Variants in LIMS1 observed in about 807,000 individuals in gnomAD.
LIMS1 encodes LIM and senescent cell antigen-like-containing domain protein 1.
LIMS1 carries 18 observed loss-of-function variants against 44.1 expected under a neutral mutation model. The observed-to-expected ratio is 0.41, with a 90% CI of 0.28 to 0.61. The LOEUF (loss-of-function observed/expected upper bound fraction) is 0.61, where lower values mean the gene tolerates loss of function less well. Among genes scored for constraint, LIMS1 ranks in the 20% least tolerant of loss-of-function variants. The probability of loss-of-function intolerance (pLI) is 0.32; values close to 1 mark genes in which losing one functional copy is unlikely to be tolerated. For synonymous variants in LIMS1, 93 were observed against 149.1 expected, an observed-to-expected ratio of 0.62 and a Z score of 2.74; for missense variants, 201 against 422.0, an observed-to-expected ratio of 0.48 and a Z score of 4.59.
At chr2:108,643,494 A>G (rs937678419) in intron 1 of LIMS1, among the ~76,000 whole-genome samples, 1 of 152,152 alleles carries the variant, frequency 6.6e-6, no homozygotes, top group African/African-American at 2.4e-5. Flanking sequence ...CGCAACCCAC[A>G]GACCAGGAGA....
intron 1 of LIMS1, among the ~76,000 whole-genome samples, chr2:108,549,668 C>T (rs1447760818): frequency 1.3e-5 from 2 of 152,058 alleles, no homozygotes; most frequent in Non-Finnish European, 2.9e-5. Context: ...CCTCAACTTT[C>T]CATATTAATA....
chr2:108,642,346 T>TG (rs1382101063), intron 1 of LIMS1, among the ~76,000 whole-genome samples: 9 of 63,836 alleles, frequency 1.4e-4, no homozygotes, highest in African/African-American at 5.7e-4. Flanking sequence ...TTTTTTGTTT[T>TG]TTTTTTTTTT....
chr2:108,649,049 C>G (rs368136600), intron 1 of LIMS1, among the ~76,000 whole-genome samples: 1 of 152,108 alleles, frequency 6.6e-6, no homozygotes, highest in Non-Finnish European at 1.5e-5. Context: ...AACAGACAAC[C>G]TACAGAATGG....
chr2:108,670,120 C>T (rs1262531078), intron 2 of LIMS1, among the ~76,000 whole-genome samples: 2 of 152,014 alleles, frequency 1.3e-5, no homozygotes, highest in Non-Finnish European at 1.5e-5. Context: ...AAAATGAAAA[C>T]AGTTCAAGAA....
intron 1 of LIMS1, among the ~76,000 whole-genome samples, chr2:108,643,695 G>C (rs1253518845): frequency 6.6e-6 from 1 of 151,544 alleles, no homozygotes; most frequent in African/African-American, 2.4e-5. Context: ...AAGGAGGGCT[G>C]AAGCCAGGGA....
chr2:108,673,828 C>CA (rs1692310302), intron 5 of LIMS1: 1 of 151,174 alleles, frequency 6.6e-6, no homozygotes, highest in African/African-American at 2.4e-5. Flanking sequence ...GATCTAAAAA[C>CA]AAAAAAAGGT....
chr2:108,601,632 A>G (rs1297048816), intron 1 of LIMS1, among the ~76,000 whole-genome samples: 2 of 152,172 alleles, frequency 1.3e-5, no homozygotes, highest in Non-Finnish European at 2.9e-5. Context: ...TCCATGTTCA[A>G]TTGAGTTCAA....
At chr2:108,668,507 A>G (rs1691945935) in intron 2 of LIMS1, among the ~76,000 whole-genome samples, 1 of 152,112 alleles carries the variant, frequency 6.6e-6, no homozygotes. Flanking sequence ...GTAATGTCCT[A>G]CAGGTTCATC....
intron 1 of LIMS1, among the ~76,000 whole-genome samples, chr2:108,629,691 G>A (rs1371626767): frequency 1.3e-5 from 2 of 152,202 alleles, no homozygotes; most frequent in Non-Finnish European, 2.9e-5. Flanking sequence ...GAAAGGCTTG[G>A]TCCATTCAGA....
exon 5 of LIMS1, chr2:108,672,993 C>T (rs780646239): frequency 7.5e-7 from 1 of 1,339,388 alleles, no homozygotes; most frequent in Middle Eastern, 2.7e-4. Flanking sequence ...AAGAACGACC[C>T]CTACCATCCA....
chr2:108,621,539 A>T, intron 1 of LIMS1: 1 of 1,038,068 alleles, frequency 9.6e-7, no homozygotes, highest in South Asian at 1.4e-5. Flanking sequence ...GCCTAAGTGG[A>T]TGCAGCGTTG....
intron 1 of LIMS1, among the ~76,000 whole-genome samples, chr2:108,551,499 A>G (rs562475628): frequency 0.024 from 3,233 of 136,332 alleles, 93 homozygotes; most frequent in South Asian, 0.1. Context: ...GCGCACACAC[A>G]CACACACACA....
At chr2:108,595,319 T>C (rs1686621030) in intron 1 of LIMS1, among the ~76,000 whole-genome samples, 2 of 152,140 alleles carry the variant, frequency 1.3e-5, no homozygotes, top group African/African-American at 4.8e-5. Context: ...CAGTGCCTTT[T>C]TCAGATGAGG....
intron 1 of LIMS1, among the ~76,000 whole-genome samples, chr2:108,567,812 T>C (rs1444326190): frequency 6.6e-6 from 1 of 152,162 alleles, no homozygotes; most frequent in East Asian, 1.9e-4. Flanking sequence ...CCTCAAATGA[T>C]CCTCCCACCT....
rs2433816 is a variant in LIMS1 at position 108,666,059 on chromosome 2, G to A, written c.193-4722G>A. 4.0e-4 allele frequency among the ~76,000 whole-genome samples: 61 copies of A among 150,984 alleles called. No homozygotes were observed. In the East Asian group the frequency reaches 4.1e-3, roughly 10 times the overall value. On this transcript the variant is annotated intron_variant, in intron 2 of 9. Transcript: ENST00000544547. The stretch of plus-strand genomic sequence containing the variant: ...TTCACCACACGCCAAGCAAGCAATC[G>A]GTTCTGCAGTGGACACCAGCTGGGC...
At chr2:108,603,934 T>A (rs2104730123) in intron 1 of LIMS1, among the ~76,000 whole-genome samples, 1 of 152,342 alleles carries the variant, frequency 6.6e-6, no homozygotes, top group Admixed American at 6.5e-5. Flanking sequence ...GGTTATTTAT[T>A]TGAAGGGTTT....
chr2:108,664,421 G>A (rs62151372), intron 2 of LIMS1, among the ~76,000 whole-genome samples: 1,322 of 150,564 alleles, frequency 8.8e-3, no homozygotes, highest in South Asian at 0.018. Flanking sequence ...CACACAGAGC[G>A]ACCCATTTCC....
intron 1 of LIMS1, among the ~76,000 whole-genome samples, chr2:108,570,503 A>C (rs1243139034): frequency 6.6e-6 from 1 of 152,136 alleles, no homozygotes; most frequent in African/African-American, 2.4e-5. Flanking sequence ...GGTTTTCTGG[A>C]ATCCAGAAGT....
intron 1 of LIMS1, among the ~76,000 whole-genome samples, chr2:108,554,592 G>A (rs957207026): frequency 6.6e-6 from 1 of 152,156 alleles, no homozygotes; most frequent in African/African-American, 2.4e-5. Context: ...AAATGTTTTT[G>A]TTTAAAAAGC....
Sources: allele counts gnomAD v4.1 joint callset (sites outside exome capture counted in the v4.1 genomes callset), GRCh38; gene constraint gnomAD v4.1.1; transcripts MANE v1.5; gene names NCBI Gene and HGNC (gene_info 2026-07-23, HGNC 2026-07-21).